The following UCHL3 variants were observed in gnomAD, a reference collection of about 807,000 sequenced individuals.
UCHL3 encodes ubiquitin carboxyl-terminal hydrolase isozyme L3.
UCHL3 carries 22 observed loss-of-function variants against 35.8 expected under a neutral mutation model. That is an observed-to-expected ratio of 0.61 (90% CI 0.44 to 0.88). The LOEUF (loss-of-function observed/expected upper bound fraction) is 0.88. UCHL3 is among the 40% of genes least tolerant of loss of function. The pLI, the probability that UCHL3 is intolerant of heterozygous loss-of-function variation, is 0.00. For synonymous variants in UCHL3, 90 were observed against 92.8 expected (o/e 0.97, Z 0.17); for missense variants, 229 against 276.9 (o/e 0.83, Z 1.23).
intron 3 of UCHL3, among the ~76,000 whole-genome samples, chr13:75,561,817 ACG>A (rs2031514648): frequency 6.2e-5 from 2 of 32,088 alleles, no homozygotes; most frequent in African/African-American, 1.1e-4. Context: ...ACATACGTAT[ACG>A]TATATACGTA....
chr13:75,584,735 A>G (rs903994348), intron 6 of UCHL3, among the ~76,000 whole-genome samples: 1 of 152,218 alleles, frequency 6.6e-6, no homozygotes, highest in Non-Finnish European at 1.5e-5. Flanking sequence ...TCACATGGGT[A>G]ATATCAGCAG....
At chr13:75,600,840 T>G (rs1223035849) in intron 7 of UCHL3, among the ~76,000 whole-genome samples, 1 of 152,204 alleles carries the variant, frequency 6.6e-6, no homozygotes, top group East Asian at 1.9e-4. Context: ...AGTGATTGCT[T>G]TGATGGATCT....
chr13:75,577,483 G>A (rs1282609496), intron 6 of UCHL3, among the ~76,000 whole-genome samples: 2 of 152,134 alleles, frequency 1.3e-5, no homozygotes, highest in East Asian at 3.9e-4. Flanking sequence ...GAGCATCTGT[G>A]GATTTTGGTG....
chr13:75,553,648 T>C (rs1224946741), intron 2 of UCHL3, among the ~76,000 whole-genome samples: 1 of 152,230 alleles, frequency 6.6e-6, no homozygotes, highest in Non-Finnish European at 1.5e-5. Flanking sequence ...TGTTTTCTGT[T>C]GTATAGTTCT....
At chr13:75,583,460 T>TAA (rs1377765413) in intron 6 of UCHL3, among the ~76,000 whole-genome samples, 8 of 152,184 alleles carry the variant, frequency 5.3e-5, no homozygotes, top group Non-Finnish European at 8.8e-5. Flanking sequence ...AAAATTATTC[T>TAA]TTGTCTTTAA....
intron 7 of UCHL3, among the ~76,000 whole-genome samples, chr13:75,595,238 A>G (rs2032613508): frequency 1.3e-5 from 2 of 152,236 alleles, no homozygotes; most frequent in Non-Finnish European, 2.9e-5. Flanking sequence ...GCAAGAAAGT[A>G]AAAACCATTA....
chr13:75,569,331 T>G (rs1566215507), intron 5 of UCHL3, 129 bp from the exon 6 acceptor site: 6 of 635,610 alleles, frequency 9.4e-6, no homozygotes, highest in East Asian at 8.4e-5. Flanking sequence ...GTACTAAGCT[T>G]TTCTTAAATT....
At chr13:75,578,900 C>T (rs999350636) in intron 6 of UCHL3, among the ~76,000 whole-genome samples, 1 of 151,910 alleles carries the variant, frequency 6.6e-6, no homozygotes, top group African/African-American at 2.4e-5. Flanking sequence ...TAAGAAAATC[C>T]TCTGTTTAGA....
At chr13:75,574,036 T>C (rs778862046) in intron 6 of UCHL3, among the ~76,000 whole-genome samples, 3 of 152,108 alleles carry the variant, frequency 2.0e-5, no homozygotes, top group Non-Finnish European at 2.9e-5. Context: ...GCTAACACAG[T>C]GAAACCCCGT....
At chr13:75,599,544 C>T (rs1035375589) in intron 7 of UCHL3, among the ~76,000 whole-genome samples, 3 of 152,168 alleles carry the variant, frequency 2.0e-5, no homozygotes, top group South Asian at 4.1e-4. Flanking sequence ...ATTCTCCCAA[C>T]ATTTCAAACG....
intron 6 of UCHL3, among the ~76,000 whole-genome samples, chr13:75,592,439 T>TACATATAC (rs1566228024): frequency 2.9e-5 from 3 of 102,760 alleles, no homozygotes; most frequent in African/African-American, 1.1e-4. Flanking sequence ...TATATATATA[T>TACATATAC]ATATATATAT....
intron 5 of UCHL3, among the ~76,000 whole-genome samples, chr13:75,567,730 T>C (rs1386787225): frequency 6.6e-6 from 1 of 152,030 alleles, no homozygotes; most frequent in Admixed American, 6.5e-5. Context: ...GTATTTTTAG[T>C]AGAGACAGGG....
chr13:75,581,979 C>T (rs1381401356), intron 6 of UCHL3, among the ~76,000 whole-genome samples: 1 of 152,160 alleles, frequency 6.6e-6, no homozygotes, highest in Non-Finnish European at 1.5e-5. Context: ...CCTTATGAAT[C>T]AGTCAAATTA....
chr13:75,590,873 T>C (rs75250872), intron 6 of UCHL3, among the ~76,000 whole-genome samples: 3,943 of 152,310 alleles, frequency 0.026, 62 homozygotes, highest in African/African-American at 0.03. Flanking sequence ...TCTTAAATGT[T>C]GAGACTGATG....
At chr13:75,560,407 T>C (rs2031453439) in intron 2 of UCHL3, among the ~76,000 whole-genome samples, 1 of 152,216 alleles carries the variant, frequency 6.6e-6, no homozygotes, top group African/African-American at 2.4e-5. Context: ...TTATTTCACA[T>C]GTTATGAATG....
At chr13:75,562,350 T>C (rs1471174904) in intron 3 of UCHL3, among the ~76,000 whole-genome samples, 2 of 152,124 alleles carry the variant, frequency 1.3e-5, no homozygotes, top group African/African-American at 4.8e-5. Flanking sequence ...TTACTGATTG[T>C]CTAGTATTAG....
At chr13:75,550,504 C>A (rs2031050574) in intron 2 of UCHL3, among the ~76,000 whole-genome samples, 2 of 152,140 alleles carry the variant, frequency 1.3e-5, no homozygotes, top group South Asian at 4.1e-4. Context: ...ATCTTCCAGT[C>A]TTTTAAAGCT....
chr13:75,599,136 T>TA (rs753607381), intron 7 of UCHL3, among the ~76,000 whole-genome samples: 1 of 34,070 alleles, frequency 2.9e-5, no homozygotes, highest in African/African-American at 2.7e-4. Flanking sequence ...GCCTGGCTAT[T>TA]TTTTTTTTTT....
intron 2 of UCHL3, among the ~76,000 whole-genome samples, chr13:75,553,774 T>C (rs115829609): frequency 5.1e-4 from 77 of 152,342 alleles, no homozygotes; most frequent in African/African-American, 1.8e-3. Context: ...GGATGTCTTA[T>C]AGATACCTTA....
Sources: gnomAD v4.1 joint callset for allele counts (sites outside exome capture counted in the v4.1 genomes callset) on GRCh38, gnomAD v4.1.1 for gene constraint, MANE v1.5 for transcripts, NCBI Gene and HGNC (gene_info 2026-07-23, HGNC 2026-07-21) for gene names.